Variants in STS observed in about 807,000 individuals in gnomAD.
STS encodes the protein steryl-sulfatase.
Under a neutral mutation model 26.8 loss-of-function variants are expected in STS, and 7 were observed. The observed-to-expected ratio is 0.26, with a 90% CI of 0.15 to 0.49. STS has a LOEUF of 0.49. Among genes scored for constraint, STS ranks in the 20% least tolerant of loss-of-function variants. STS has a pLI of 0.98. For missense variants in STS, 434 were observed against 465.6 expected (o/e 0.93, Z 0.63); for synonymous variants, 199 against 189.4 (o/e 1.05, Z -0.42).
At chrX:7,150,427 T>C (rs746346316) in intron 1 of STS, among the ~76,000 whole-genome samples, 1 of 110,959 alleles carries the variant, frequency 9.0e-6, no homozygotes, top group Non-Finnish European at 1.9e-5. Flanking sequence ...TTTACCATGT[T>C]GGCCAGGCTG....
At position 7,215,156 on chromosome X, in the gene STS, T is replaced by TATATAC. The variant is rs1266956654; in HGVS notation, c.-5+24149_-5+24150insTATACA. The stretch of plus-strand genomic sequence containing the variant: ...ACACACACATATATATATATATATA[T>TATATAC]ACACACCACAGTTTCTTTATCCACT... On this transcript the variant is annotated intron_variant, in intron 2 of 10. Coordinates refer to ENST00000674429, the MANE Select transcript of STS (RefSeq NM_001320752.2). 2.9e-3 allele frequency among the ~76,000 whole-genome samples: 277 copies of TATATAC among 95,721 alleles called. 2 individuals carry two copies. Among genetic ancestry groups the TATATAC allele is most frequent in the African/African-American group, 0.01 (272 of 26,388 alleles). The allele number at this position is 95,721 out of a possible 115,157, so 83.1% of individuals were successfully genotyped here.
chrX:7,301,018 C>T (rs907069288), intron 7 of STS, among the ~76,000 whole-genome samples: 1 of 111,315 alleles, frequency 9.0e-6, no homozygotes, highest in Admixed American at 9.6e-5. Context: ...CTGAAAAACT[C>T]TGTGACACCC....
At chrX:7,343,881 C>T (rs1196328167) in intron 10 of STS, among the ~76,000 whole-genome samples, 2 of 112,294 alleles carry the variant, frequency 1.8e-5, no homozygotes, top group African/African-American at 3.2e-5. Context: ...CTTCGGGCCC[C>T]TGGCACCACC....
intron 10 of STS, among the ~76,000 whole-genome samples, chrX:7,338,464 AG>A (rs1928133344): frequency 8.9e-6 from 1 of 112,288 alleles, no homozygotes; most frequent in African/African-American, 3.2e-5. Flanking sequence ...ATGGAATCTT[AG>A]CATCATGTAG....
At chrX:7,201,917 G>A (rs1026702066) in intron 2 of STS, among the ~76,000 whole-genome samples, 89 of 110,829 alleles carry the variant, frequency 8.0e-4, no homozygotes, top group African/African-American at 2.8e-3. Context: ...TCTAATCCAC[G>A]ATGCTCATAA....
intron 1 of STS, among the ~76,000 whole-genome samples, chrX:7,150,192 G>C (rs1233908239): frequency 1.8e-5 from 2 of 111,680 alleles, no homozygotes; most frequent in African/African-American, 6.5e-5. Context: ...TTTCTGTTTA[G>C]TCATTAAATT....
chrX:7,319,968 T>A (rs1235779331), intron 8 of STS, among the ~76,000 whole-genome samples: 1 of 87,583 alleles, frequency 1.1e-5, no homozygotes, highest in African/African-American at 4.6e-5. Flanking sequence ...TATATATATT[T>A]TATATATATG....
intron 10 of STS, among the ~76,000 whole-genome samples, chrX:7,348,114 C>T (rs1205743680): frequency 9.0e-6 from 1 of 111,479 alleles, no homozygotes; most frequent in Non-Finnish European, 1.9e-5. Context: ...GCAGTCGTCT[C>T]ATTATGAATC....
intron 2 of STS, among the ~76,000 whole-genome samples, chrX:7,231,834 CT>C (rs35306364): frequency 0.27 from 23,005 of 86,771 alleles, 2,898 homozygotes; most frequent in South Asian, 0.42. Context: ...AATAAATCTG[CT>C]TTTTTTTTTT....
intron 7 of STS, among the ~76,000 whole-genome samples, chrX:7,297,590 G>A (rs1925730592): frequency 8.9e-6 from 1 of 111,969 alleles, no homozygotes; most frequent in Non-Finnish European, 1.9e-5. Flanking sequence ...ACATGTGAAA[G>A]TGAGTAAATT....
At chrX:7,253,412 T>C (rs2147081634) in intron 3 of STS, 76 bp downstream of exon 3, 4 of 1,166,937 alleles carry the variant, frequency 3.4e-6, no homozygotes, top group South Asian at 3.6e-5. Flanking sequence ...ATTGTTGATC[T>C]ACAGAGCACA....
intron 10 of STS, among the ~76,000 whole-genome samples, chrX:7,338,408 A>G (rs1928128041): frequency 8.9e-6 from 1 of 112,422 alleles, no homozygotes; most frequent in African/African-American, 3.2e-5. Context: ...AATGCAATGC[A>G]ATATAGTACA....
chrX:7,229,989 C>T (rs1187353539), intron 2 of STS, among the ~76,000 whole-genome samples: 5 of 110,962 alleles, frequency 4.5e-5, no homozygotes, highest in African/African-American at 9.9e-5. Context: ...AGAGATCCTC[C>T]GACCTCAGCC....
At chrX:7,200,770 T>G (rs1261253233) in intron 2 of STS, among the ~76,000 whole-genome samples, 5 of 111,466 alleles carry the variant, frequency 4.5e-5, no homozygotes, top group Admixed American at 9.6e-5. Flanking sequence ...CTGACACATT[T>G]CTCTAAAGCT....
intron 6 of STS, among the ~76,000 whole-genome samples, chrX:7,273,779 TA>T (rs755327221): frequency 5.1e-4 from 55 of 107,306 alleles, no homozygotes; most frequent in Admixed American, 1.8e-3. Context: ...TTTCTCCTAT[TA>T]AAAAAAAAAG....
intron 8 of STS, among the ~76,000 whole-genome samples, chrX:7,309,064 C>T (rs142915772): frequency 0.017 from 1,944 of 111,505 alleles, 26 homozygotes; most frequent in Non-Finnish European, 0.027. Context: ...GGCTACAGTG[C>T]AGCGGAGCCA....
chrX:7,209,392 T>C lies in STS; in HGVS notation c.-5+18384T>C, dbSNP rs181985752. ...ATATAATTTTATATATAAATGCATA[T>C]ATATGTATTTATAGAAATATATATT... On this transcript the variant is annotated intron_variant, in intron 2 of 10. Transcript: ENST00000674429. Among the ~76,000 whole-genome samples, 503 of 106,652 alleles carry C rather than the reference T, an allele frequency of 4.7e-3. 1 individual carries two copies. Among genetic ancestry groups the C allele is most frequent in the Non-Finnish European group, 7.2e-3 (374 of 52,032 alleles). 92.6% of individuals were successfully genotyped at this position (106,652 alleles called of 115,157 possible).
chrX:7,254,577 CTTT>C (rs34965003), intron 3 of STS, among the ~76,000 whole-genome samples: 1 of 73,052 alleles, frequency 1.4e-5, no homozygotes, highest in East Asian at 4.1e-4. Context: ...TTTTCTTCTT[CTTT>C]TTTTTTTTTT....
In STS at chrX:7,295,897, G is replaced by A. The variant is rs146244601; in HGVS notation, c.944-9149G>A. ...GAAAGAAAGGCTTGGACCTGTGACT[G>A]ATGTACAAGGTGTCAGCAAAGGAAA... On this transcript the variant is annotated intron_variant, in intron 7 of 10. Coordinates refer to ENST00000674429, the MANE Select transcript of STS (RefSeq NM_001320752.2). Among the ~76,000 whole-genome samples the A allele has an allele frequency of 2.6e-3, 294 of 112,057 alleles. 1 individual carries two copies. Among genetic ancestry groups the A allele is most frequent in the Admixed American group, 0.022 (228 of 10,531 alleles).
Sources: gnomAD v4.1 joint callset for allele counts (sites outside exome capture counted in the v4.1 genomes callset) on GRCh38, gnomAD v4.1.1 for gene constraint, MANE v1.5 for transcripts, NCBI Gene and HGNC (gene_info 2026-07-23, HGNC 2026-07-21) for gene names.